Variants in CDH5 observed in about 807,000 individuals in gnomAD.
The protein encoded by CDH5 is cadherin-5.
Under a neutral mutation model 62.0 loss-of-function variants are expected in CDH5, and 28 were observed. The observed-to-expected ratio is 0.45, with a 90% CI of 0.33 to 0.62. CDH5 has a LOEUF of 0.62. Ranked by LOEUF, CDH5 falls within the 20% of genes least tolerant of loss-of-function variation. The probability of loss-of-function intolerance (pLI) is 0.02; values close to 1 mark genes in which losing one functional copy is unlikely to be tolerated. For synonymous variants in CDH5, 464 were observed against 445.8 expected (o/e 1.04, Z -0.52); for missense variants, 940 against 1,065.1 (o/e 0.88, Z 1.63).
chr16:66,399,784 A>G (rs1454016359), intron 10 of CDH5, among the ~76,000 whole-genome samples: 1 of 152,242 alleles, frequency 6.6e-6, no homozygotes, highest in Non-Finnish European at 1.5e-5. Flanking sequence ...TTATATCATG[A>G]ACATCCTGCA....
intron 2 of CDH5, among the ~76,000 whole-genome samples, chr16:66,380,480 T>C (rs910605425): frequency 2.0e-5 from 3 of 149,346 alleles, no homozygotes; most frequent in African/African-American, 7.5e-5. Flanking sequence ...GTGGTTGTGA[T>C]GGTGGTGATC....
intron 6 of CDH5, among the ~76,000 whole-genome samples, chr16:66,391,859 T>C (rs1428051514): frequency 6.6e-6 from 1 of 152,152 alleles, no homozygotes; most frequent in African/African-American, 2.4e-5. Context: ...GTTGATCCAT[T>C]CTATGTCCCA....
chr16:66,375,967 C>T lies in CDH5; in HGVS notation c.-19-3352C>T, dbSNP rs549663507. Among the ~76,000 whole-genome samples the T allele has an allele frequency of 4.2e-4, 64 of 152,080 alleles. 1 individual carries two copies. Among genetic ancestry groups the T allele is most frequent in the African/African-American group, 1.4e-3 (59 of 41,514 alleles). ...ACTAAAAATACAAAAAAAAATTGGC[C>T]GGGCGTGGTGTCACGCGCCTGTAAT... On this transcript the variant is annotated intron_variant, in intron 1 of 11. Coordinates refer to ENST00000341529, the MANE Select transcript of CDH5 (RefSeq NM_001795.5).
rs1961349287 is a variant in CDH5 at position 66,404,249 on chromosome 16, C to G, written c.*1080C>G. On this transcript the variant is annotated 3_prime_UTR_variant, in exon 12 of 12. Transcript: ENST00000341529. ...TCTTTACACCTCGCTGTTGTCACAT[C>G]TCAGGGAACTGACCCTCAGGCACAC... 6.5e-6 allele frequency: 1 copy of G among 152,758 alleles called. No homozygotes were observed. The highest frequency in any genetic ancestry group is 2.4e-5 in the African/African-American group (1 of 41,480). 9.5% of individuals were successfully genotyped at this position (152,758 alleles called of 1,614,324 possible).
chr16:66,400,467 G>T (rs1961260324), intron 10 of CDH5, among the ~76,000 whole-genome samples: 1 of 152,224 alleles, frequency 6.6e-6, no homozygotes, highest in African/African-American at 2.4e-5. Context: ...TTACTGGAGT[G>T]GGGTTAGGGA....
intron 7 of CDH5, 92 bp from the exon 8 acceptor site, chr16:66,395,967 G>T: frequency 7.5e-7 from 1 of 1,328,606 alleles, no homozygotes; most frequent in Non-Finnish European, 1.0e-6. Context: ...GGGATGCAGG[G>T]GACAGATGCA....
At chr16:66,401,715 C>T (rs934141746) in intron 11 of CDH5, among the ~76,000 whole-genome samples, 5 of 152,180 alleles carry the variant, frequency 3.3e-5, no homozygotes, top group Non-Finnish European at 5.9e-5. Context: ...GGAACTGGAG[C>T]CTCCTCCCAT....
intron 7 of CDH5, 106 bp downstream of exon 7, chr16:66,392,489 A>C (rs768143017): frequency 1.9e-5 from 28 of 1,445,524 alleles, no homozygotes; most frequent in Non-Finnish European, 2.6e-5. Flanking sequence ...GGCTTCTCCT[A>C]GCACTTACAG....
chr16:66,367,209 G>A (rs752192733), intron 1 of CDH5, among the ~76,000 whole-genome samples: 51 of 152,176 alleles, frequency 3.4e-4, no homozygotes, highest in African/African-American at 4.1e-4. Context: ...CTACCCATAC[G>A]CCACTAAAGC....
intron 7 of CDH5, chr16:66,395,308 TG>T: frequency 6.6e-6 from 1 of 151,620 alleles, no homozygotes; most frequent in Admixed American, 6.6e-5. Flanking sequence ...GAGGCAAATC[TG>T]ATTTTTCTTT....
intron 7 of CDH5, among the ~76,000 whole-genome samples, chr16:66,394,964 C>CCT (rs1360980159): frequency 6.7e-6 from 1 of 148,984 alleles, no homozygotes; most frequent in Non-Finnish European, 1.5e-5. Flanking sequence ...AACCCTCCCA[C>CCT]CTCAGCCTCT....
At chr16:66,395,966 G>T in intron 7 of CDH5, 93 bp from the exon 8 acceptor site, 2 of 1,310,976 alleles carry the variant, frequency 1.5e-6, no homozygotes, top group South Asian at 1.4e-5. Context: ...TGGGATGCAG[G>T]GGACAGATGC....
In CDH5 at chr16:66,390,575, C is replaced by T. The variant is rs1320860021; in HGVS notation, c.954C>T (p.Ile318=). The change falls in exon 6 of 12, where the codon ATC becomes ATT. Residue 318 remains isoleucine (I), a synonymous_variant. Coordinates refer to ENST00000341529, the MANE Select transcript of CDH5 (RefSeq NM_001795.5). ...CAAACCCCGCCCACAACGAGGGCAT[C>T]ATCAAGCCCATGAAGGTTTGTAGGC... ...IETNPAHNEG[I]IKPMKPLDYE... is the part of the protein sequence containing the mutation. 5.0e-6 allele frequency: 8 copies of T among 1,613,954 alleles called. No homozygotes were observed. Among genetic ancestry groups the T allele is most frequent in the Non-Finnish European group, 6.8e-6 (8 of 1,179,988 alleles).
rs528533539 is a variant in CDH5, at chr16:66,398,291, G to T, written c.1486-165G>T. The stretch of plus-strand genomic sequence containing the variant: ...AATATATGGGGAGTAGATTGGCGGG[G>T]CAGGGAAGTAGAAAGAATGGCTTTA... On this transcript the variant is annotated intron_variant, in intron 9 of 11. Transcript: ENST00000341529. Among the ~76,000 whole-genome samples, 5 of 152,282 alleles carry T rather than the reference G, an allele frequency of 3.3e-5. No homozygotes were observed. The South Asian group carries it at 8.3e-4, about 25-fold the overall frequency.
At chr16:66,391,590 T>G (rs1961085049) in intron 6 of CDH5, among the ~76,000 whole-genome samples, 1 of 152,102 alleles carries the variant, frequency 6.6e-6, no homozygotes, top group Non-Finnish European at 1.5e-5. Context: ...CTGGCCAATA[T>G]GGTGAAACCC....
chr16:66,376,971 GC>G (rs1475314119), intron 1 of CDH5, among the ~76,000 whole-genome samples: 1 of 152,148 alleles, frequency 6.6e-6, no homozygotes, highest in African/African-American at 2.4e-5. Flanking sequence ...ACCCTGTTCT[GC>G]CCAGAGCCCT....
intron 11 of CDH5, among the ~76,000 whole-genome samples, chr16:66,401,968 G>A (rs376131041): frequency 1.3e-5 from 2 of 152,118 alleles, no homozygotes; most frequent in East Asian, 1.9e-4. Flanking sequence ...GAGTGGCCTC[G>A]GTATGCCCGA....
In CDH5 at chr16:66,403,407, C is replaced by G. The variant is rs1961334204; in HGVS notation, c.*238C>G. 3.6e-6 allele frequency: 2 copies of G among 555,914 alleles called. No homozygotes were observed. Among genetic ancestry groups the G allele is most frequent in the Non-Finnish European group, 6.5e-6 (2 of 310,018 alleles). 34.4% of individuals were successfully genotyped at this position (555,914 alleles called of 1,614,324 possible). On this transcript the variant is annotated 3_prime_UTR_variant, in exon 12 of 12. Coordinates refer to ENST00000341529, the MANE Select transcript of CDH5 (RefSeq NM_001795.5). The surrounding 1 kb of genome is among the most constrained non-coding windows in gnomAD (Gnocchi z 4.3). ...TGGCAAATCCAGGCTGGTGTTCTGT[C>G]TGGGCTCAGACATCCACATAACCCT...
At chr16:66,367,868 G>A (rs1328502951) in intron 1 of CDH5, among the ~76,000 whole-genome samples, 1 of 152,142 alleles carries the variant, frequency 6.6e-6, no homozygotes, top group Non-Finnish European at 1.5e-5. Flanking sequence ...CTACATCCCT[G>A]GTGCTGGGAA....
Sources: gnomAD v4.1 joint callset for allele counts (sites outside exome capture counted in the v4.1 genomes callset) on GRCh38, gnomAD v4.1.1 for gene constraint, Gnocchi (gnomAD v3.1) non-coding constraint, MANE v1.5 for transcripts, NCBI Gene and HGNC (gene_info 2026-07-23, HGNC 2026-07-21) for gene names.